SLC9A2: variants seen among roughly 807,000 people sequenced by gnomAD.
The protein encoded by SLC9A2 is sodium/hydrogen exchanger 2.
A neutral mutation model predicts 71.7 loss-of-function variants in SLC9A2; 42 were observed. The observed-to-expected ratio is 0.59, with a 90% CI of 0.46 to 0.76. The LOEUF (loss-of-function observed/expected upper bound fraction) is 0.76, where lower values mean the gene tolerates loss of function less well. SLC9A2 is among the 30% of genes least tolerant of loss of function. The pLI is 0.00. For synonymous variants in SLC9A2, 396 were observed against 392.5 expected (o/e 1.01, Z -0.10); for missense variants, 829 against 1,017.4 (o/e 0.81, Z 2.52).
In SLC9A2 at chr2:102,708,607, G is replaced by A. The variant is rs1233653131; in HGVS notation, c.*118G>A. On this transcript the variant is annotated 3_prime_UTR_variant, in exon 12 of 12. Coordinates refer to ENST00000233969, the MANE Select transcript of SLC9A2 (RefSeq NM_003048.6). ...CTCTCTGTGCATCTAAATACTTCTG[G>A]AGGGCGACAGATTCATGCCACGGAT... The A allele has an allele frequency of 2.5e-6, 3 of 1,199,560 alleles. No homozygotes were observed. Among genetic ancestry groups the A allele is most frequent in the African/African-American group, 1.5e-5 (1 of 65,728 alleles). 74.3% of individuals were successfully genotyped at this position (1,199,560 alleles called of 1,614,324 possible).
intron 5 of SLC9A2, among the ~76,000 whole-genome samples, chr2:102,687,783 ATTT>A (rs35653787): frequency 6.9e-6 from 1 of 145,424 alleles, no homozygotes; most frequent in Admixed American, 6.9e-5. Flanking sequence ...TGTTTGGGGA[ATTT>A]TTTTTTTTTT....
At chr2:102,682,450 A>G (rs1677471799) in intron 3 of SLC9A2, among the ~76,000 whole-genome samples, 1 of 152,144 alleles carries the variant, frequency 6.6e-6, no homozygotes, top group Non-Finnish European at 1.5e-5. Context: ...TTCTCCACTG[A>G]GGGAAGTGTG....
At chr2:102,664,213 T>C (rs966334624) in intron 2 of SLC9A2, among the ~76,000 whole-genome samples, 1 of 150,892 alleles carries the variant, frequency 6.6e-6, no homozygotes, top group Non-Finnish European at 1.5e-5. Flanking sequence ...GAGGCAGAGA[T>C]TGCAGTGAGC....
At chr2:102,635,966 C>A (rs898066120) in intron 1 of SLC9A2, among the ~76,000 whole-genome samples, 1 of 151,772 alleles carries the variant, frequency 6.6e-6, no homozygotes, top group Non-Finnish European at 1.5e-5. Flanking sequence ...AACCAGGGAG[C>A]TGTTACTGTT....
At chr2:102,625,481 G>A (rs4499446) in intron 1 of SLC9A2, among the ~76,000 whole-genome samples, 2 of 139,156 alleles carry the variant, frequency 1.4e-5, no homozygotes, top group African/African-American at 2.8e-5. Flanking sequence ...TCCCCCCACC[G>A]CACAACAGGT....
intron 3 of SLC9A2, among the ~76,000 whole-genome samples, chr2:102,669,636 T>G (rs1166594396): frequency 6.6e-6 from 1 of 152,244 alleles, no homozygotes; most frequent in Non-Finnish European, 1.5e-5. Context: ...TAGAAATTCT[T>G]GCCTTGACTC....
At chr2:102,705,099 G>A (rs1164197576) in intron 10 of SLC9A2, among the ~76,000 whole-genome samples, 1 of 151,936 alleles carries the variant, frequency 6.6e-6, no homozygotes, top group Non-Finnish European at 1.5e-5. Context: ...CCAGCTTCTT[G>A]GGAGACTGAG....
intron 1 of SLC9A2, among the ~76,000 whole-genome samples, chr2:102,631,749 T>A (rs2104500536): frequency 6.6e-6 from 1 of 151,840 alleles, no homozygotes; most frequent in South Asian, 2.1e-4. Flanking sequence ...CTTTCCTAGT[T>A]TTCAATCTGA....
intron 3 of SLC9A2, among the ~76,000 whole-genome samples, chr2:102,678,967 G>C (rs555375802): frequency 2.5e-4 from 38 of 152,324 alleles, no homozygotes; most frequent in Admixed American, 2.5e-3. Context: ...GAGGTGGTTT[G>C]ACTTCAGGTC....
intron 7 of SLC9A2, among the ~76,000 whole-genome samples, chr2:102,699,757 G>A (rs1207643228): frequency 1.3e-5 from 2 of 152,148 alleles, no homozygotes; most frequent in African/African-American, 2.4e-5. Context: ...CAGACAGCAA[G>A]GTGTCAGCAG....
chr2:102,620,161 A>C (rs1676107270), intron 1 of SLC9A2, 24 bp downstream of exon 1: 1 of 1,577,612 alleles, frequency 6.3e-7, no homozygotes, highest in Non-Finnish European at 8.7e-7. Flanking sequence ...ACTTGTGGGG[A>C]ATGGGAGGGG....
chr2:102,642,773 T>A (rs1676634239), intron 1 of SLC9A2, among the ~76,000 whole-genome samples: 1 of 152,210 alleles, frequency 6.6e-6, no homozygotes. Context: ...AGAAACTATA[T>A]GGACCTGGAG....
intron 1 of SLC9A2, among the ~76,000 whole-genome samples, chr2:102,653,516 G>C (rs796443802): frequency 3.9e-5 from 6 of 152,268 alleles, no homozygotes; most frequent in African/African-American, 1.4e-4. Flanking sequence ...GTTTCTGCTT[G>C]CCCGAGTTTC....
intron 2 of SLC9A2, 78 bp downstream of exon 2, chr2:102,658,105 T>G: frequency 1.8e-6 from 2 of 1,117,926 alleles, no homozygotes; most frequent in Non-Finnish European, 2.6e-6. Flanking sequence ...GCACCTCAAC[T>G]GGCAGGGGCG....
intron 3 of SLC9A2, among the ~76,000 whole-genome samples, chr2:102,666,487 G>A (rs187421039): frequency 2.7e-4 from 41 of 152,248 alleles, no homozygotes; most frequent in Non-Finnish European, 4.4e-4. Flanking sequence ...GTGAGCCACC[G>A]CGCCCAGCCG....
chr2:102,690,610 A>G (rs1201257595), intron 5 of SLC9A2, among the ~76,000 whole-genome samples: 3 of 152,140 alleles, frequency 2.0e-5, no homozygotes, highest in Non-Finnish European at 2.9e-5. Flanking sequence ...CAGACATAGA[A>G]GGGGAAATCA....
chr2:102,697,092 C>T (rs1424081840), intron 7 of SLC9A2, among the ~76,000 whole-genome samples: 1 of 152,162 alleles, frequency 6.6e-6, no homozygotes, highest in Non-Finnish European at 1.5e-5. Context: ...CCTAGCATCC[C>T]CTCAGTACTT....
rs35453859 is a variant in SLC9A2, at chr2:102,635,888, CTT to C, written c.289+15763_289+15764del. ...ATTGGCTCCATCTGCATAATTTTTT[CTT>C]TTTTTTTTTTTGATCTTTTTCTTTT... On this transcript the variant is annotated intron_variant, in intron 1 of 11. Coordinates refer to ENST00000233969, the MANE Select transcript of SLC9A2 (RefSeq NM_003048.6). Among the ~76,000 whole-genome samples, 181 of 145,000 alleles carry C rather than the reference CTT, an allele frequency of 1.2e-3. 1 individual carries two copies. Among genetic ancestry groups the C allele is most frequent in the African/African-American group, 1.8e-3 (71 of 39,602 alleles).
intron 1 of SLC9A2, among the ~76,000 whole-genome samples, chr2:102,657,310 A>G (rs1008879594): frequency 1.3e-5 from 2 of 152,206 alleles, no homozygotes; most frequent in East Asian, 1.9e-4. Flanking sequence ...TAAAATCTGT[A>G]CAATGTAGAT....
Sources: allele counts gnomAD v4.1 joint callset (sites outside exome capture counted in the v4.1 genomes callset), GRCh38; gene constraint gnomAD v4.1.1; transcripts MANE v1.5; gene names NCBI Gene and HGNC (gene_info 2026-07-23, HGNC 2026-07-21).